The following SPATA31E1 variants were observed in gnomAD, a reference collection of about 807,000 sequenced individuals.
SPATA31E1 encodes the protein SPATA31 subfamily E member 1, also known as spermatogenesis-associated protein 31E1.
A neutral mutation model predicts 12.9 loss-of-function variants in SPATA31E1; 7 were observed. The ratio of observed to expected loss-of-function variants is 0.54; its 90% CI spans 0.31 to 1.02. The LOEUF (loss-of-function observed/expected upper bound fraction) is 1.02, where lower values mean the gene tolerates loss of function less well. Ranked by LOEUF, SPATA31E1 falls within the 50% of genes least tolerant of loss-of-function variation. The pLI is 0.05. For missense variants in SPATA31E1, 1,961 were observed against 1,799.8 expected, an observed-to-expected ratio of 1.09 and a Z score of -1.62; for synonymous variants, 771 against 719.0, an observed-to-expected ratio of 1.07 and a Z score of -1.16.
At position 87,887,938 on chromosome 9, in the gene SPATA31E1, T is replaced by C; in HGVS notation, c.3451T>C (p.Ser1151Pro). 1 of 1,613,890 alleles carries C rather than the reference T, an allele frequency of 6.2e-7. No individual in the cohort carries two copies. Among genetic ancestry groups the C allele is most frequent in the Non-Finnish European group, 8.5e-7 (1 of 1,180,024 alleles). ...CAGGCTGCCCACTCAAGCCCCTCTG[T>C]CCACCTCCCAGAGTGTGTCTGGTAA... ...ADRLPTQAPL[S>P]TSQSVSGKNM... The change falls in exon 4 of 4, where the codon TCC becomes CCC. Residue 1151 changes from serine (S) to proline (P), a missense_variant. Ser to Pro is a moderately conservative substitution (Grantham distance 74). Coordinates refer to ENST00000325643, the MANE Select transcript of SPATA31E1 (RefSeq NM_178828.5).
rs747363146 is a variant in SPATA31E1 at position 87,885,083 on chromosome 9, C to T, written c.596C>T (p.Ala199Val). ...LSPPAPPAPL[A>V]STLSPGPMTF... ...CCACCAGCTCCCCCAGCTCCTCTGG[C>T]CTCCACCCTGTCACCAGGCCCGATG... Residue 199 changes from alanine (A) to valine (V), a missense_variant, in exon 4 of 4, where the codon GCC (alanine) becomes GTC (valine). Physicochemically the swap from Ala to Val is moderately conservative, Grantham distance 64 (BLOSUM62 0). Coordinates refer to ENST00000325643, the MANE Select transcript of SPATA31E1 (RefSeq NM_178828.5). The T allele has an allele frequency of 1.9e-6, 3 of 1,614,208 alleles. No homozygotes were observed. The highest frequency in any genetic ancestry group is 1.7e-5 in the Admixed American group (1 of 60,034).
At position 87,885,866 on chromosome 9, in the gene SPATA31E1, AC is replaced by A; in HGVS notation, c.1382del (p.Pro461LeufsTer111). The A allele has an allele frequency of 6.2e-7, 1 of 1,613,870 alleles. No individual in the cohort carries two copies. Among genetic ancestry groups the A allele is most frequent in the Non-Finnish European group, 8.5e-7 (1 of 1,180,002 alleles). On this transcript the variant is annotated frameshift_variant, in exon 4 of 4. Transcript: ENST00000325643. LOFTEE classifies it low-confidence loss of function (END_TRUNC). ...SLATTVWVSR[N>X]PSSQNAHSVP... Reference sequence around the variant, plus strand: ...GCGACCACAGTCTGGGTTTCTAGGAACCCTTCCTCACAGAATGCACACTCTG... The same window carrying A: ...GCGACCACAGTCTGGGTTTCTAGGAACCTTCCTCACAGAATGCACACTCTG...
chr9:87,886,840 G>A lies in SPATA31E1; in HGVS notation c.2353G>A (p.Val785Met), dbSNP rs142555285. 39 of 1,614,168 alleles carry A rather than the reference G, an allele frequency of 2.4e-5. No homozygotes were observed. The African/African-American group carries it at 4.1e-4, about 17-fold the overall frequency. ...CAAAGAGGGCTGGATCCCCATGCCTGTGCGTCGCTCCTGGCTCATGGCCAA... is the reference window on the plus strand; with the variant it reads ...CAAAGAGGGCTGGATCCCCATGCCTATGCGTCGCTCCTGGCTCATGGCCAA... ...EIKEGWIPMP[V>M]RRSWLMAKCA... Residue 785 changes from valine (V) to methionine (M), a missense_variant, in exon 4 of 4, where the codon GTG becomes ATG. Coordinates refer to ENST00000325643, the MANE Select transcript of SPATA31E1 (RefSeq NM_178828.5).
At position 87,886,414 on chromosome 9, in the gene SPATA31E1, C is replaced by T. The variant is rs780019692; in HGVS notation, c.1927C>T (p.Pro643Ser). Residue 643 changes from proline (P) to serine (S), a missense_variant, in exon 4 of 4, where the codon CCT becomes TCT. Pro to Ser is a moderately conservative substitution (Grantham distance 74). Coordinates refer to ENST00000325643, the MANE Select transcript of SPATA31E1 (RefSeq NM_178828.5). The part of the protein sequence containing the change: ...NAIHQEQSCG[P>S]PSRLQASGDL... ...CATCCACCAGGAGCAGTCCTGTGGC[C>T]CTCCCAGCAGATTGCAGGCATCTGG... is the stretch of plus-strand genomic sequence containing the variant. The T allele has an allele frequency of 3.1e-6, 5 of 1,613,912 alleles. No individual in the cohort carries two copies. The highest frequency in any genetic ancestry group is 3.4e-6 in the Non-Finnish European group (4 of 1,179,988).
In SPATA31E1 at chr9:87,885,400, G is replaced by A. The variant is rs770947203; in HGVS notation, c.913G>A (p.Asp305Asn). 11 of 1,613,938 alleles carry A rather than the reference G, an allele frequency of 6.8e-6. No homozygotes were observed. The Admixed American group carries it at 1.2e-4, about 17-fold the overall frequency. ...GGGGTGCTCCAGCGATCCCATCTGG[G>A]ACCTCTATTGCTGGAGGGAGGCTGC... is the stretch of plus-strand genomic sequence containing the variant. Reference protein sequence around the residue: ...GLGCSSDPIWDLYCWREAATT... With the variant: ...GLGCSSDPIWNLYCWREAATT... The change falls in exon 4 of 4, where the codon GAC becomes AAC. Residue 305 changes from aspartate (D) to asparagine (N), a missense_variant. By Grantham distance (23) the Asp-to-Asn change is conservative. Transcript: ENST00000325643.
rs374273499 is a variant in SPATA31E1 at position 87,887,478 on chromosome 9, C to A, written c.2991C>A (p.Asn997Lys). 2 of 1,613,872 alleles carry A rather than the reference C, an allele frequency of 1.2e-6. No homozygotes were observed. The part of the protein sequence containing the change: ...EGSMGSEMAG[N>K]EAWLESESMS... ...GTATGGGTTCAGAAATGGCTGGGAACGAGGCATGGCTTGAGAGTGAGAGCA... is the reference window on the plus strand; with the variant it reads ...GTATGGGTTCAGAAATGGCTGGGAAAGAGGCATGGCTTGAGAGTGAGAGCA... The change falls in exon 4 of 4, where the codon AAC becomes AAA. Residue 997 changes from asparagine (N) to lysine (K), a missense_variant. Physicochemically the swap from Asn to Lys is moderately conservative, Grantham distance 94. Coordinates refer to ENST00000325643, the MANE Select transcript of SPATA31E1 (RefSeq NM_178828.5).
chr9:87,884,067 G>T, intron 2 of SPATA31E1, 21 bp downstream of exon 2: 1 of 1,584,552 alleles, frequency 6.3e-7, no homozygotes, highest in South Asian at 1.2e-5. Context: ...GCTGCCCCCC[G>T]GGACTCCCCA....
At position 87,888,867 on chromosome 9, in the gene SPATA31E1, G is replaced by A. The variant is rs752033272; in HGVS notation, c.*42G>A. 6 of 1,511,010 alleles carry A rather than the reference G, an allele frequency of 4.0e-6. No homozygotes were observed. The highest frequency in any genetic ancestry group is 5.3e-6 in the Non-Finnish European group (6 of 1,131,898). The allele number at this position is 1,511,010 out of a possible 1,614,324, so 93.6% of individuals were successfully genotyped here. On this transcript the variant is annotated 3_prime_UTR_variant, in exon 4 of 4. Coordinates refer to ENST00000325643, the MANE Select transcript of SPATA31E1 (RefSeq NM_178828.5). ...TGCATGTCTCCTGGGGGAGACAGGG[G>A]GTTCTACTCAAATAAAACTGATGCC...
At position 87,886,225 on chromosome 9, in the gene SPATA31E1, G is replaced by C. The variant is rs775005835; in HGVS notation, c.1738G>C (p.Val580Leu). Residue 580 changes from valine to leucine, a missense_variant, in exon 4 of 4, where the codon GTT becomes CTT. Physicochemically the swap from Val to Leu is conservative, Grantham distance 32 (BLOSUM62 1). Transcript: ENST00000325643. The stretch of plus-strand genomic sequence containing the variant: ...GAAGAAGCGACCAAAGTGGAAGAGG[G>C]TTTTGCCCTCTCTCCTCAAAAAGTC... Reference protein sequence around the residue: ...PLKKRPKWKRVLPSLLKKSQA... With the variant: ...PLKKRPKWKRLLPSLLKKSQA... The C allele has an allele frequency of 9.3e-6, 15 of 1,613,772 alleles. No homozygotes were observed. In the South Asian group the frequency reaches 1.4e-4, roughly 15 times the overall value.
chr9:87,885,286 C>G lies in SPATA31E1; in HGVS notation c.799C>G (p.Gln267Glu). Residue 267 changes from glutamine (Q) to glutamate (E), a missense_variant, in exon 4 of 4, where the codon CAG (glutamine) becomes GAG (glutamate). Gln to Glu is a conservative substitution (Grantham distance 29, BLOSUM62 2). Coordinates refer to ENST00000325643, the MANE Select transcript of SPATA31E1 (RefSeq NM_178828.5). ...PPPDSSLAGL[Q>E]CGSTTCPVPQ... is the part of the protein sequence containing the mutation. ...ACCCGACTCCAGCCTGGCTGGACTT[C>G]AGTGTGGCTCCACAACATGCCCCGT... 9.9e-6 allele frequency: 16 copies of G among 1,614,124 alleles called. No individual in the cohort carries two copies. The highest frequency in any genetic ancestry group is 1.4e-5 in the Non-Finnish European group (16 of 1,179,992).
At position 87,888,863 on chromosome 9, in the gene SPATA31E1, A is replaced by C; in HGVS notation, c.*38A>C. On this transcript the variant is annotated 3_prime_UTR_variant, in exon 4 of 4. Coordinates refer to ENST00000325643, the MANE Select transcript of SPATA31E1 (RefSeq NM_178828.5). ...TTCTTGCATGTCTCCTGGGGGAGAC[A>C]GGGGGTTCTACTCAAATAAAACTGA... 1 of 1,530,512 alleles carries C rather than the reference A, an allele frequency of 6.5e-7. No homozygotes were observed. The highest frequency in any genetic ancestry group is 8.7e-7 in the Non-Finnish European group (1 of 1,143,838). 94.8% of individuals were successfully genotyped at this position (1,530,512 alleles called of 1,614,324 possible).
Position 87,886,299 on chromosome 9 carries a change from G to A in SPATA31E1, c.1812G>A (p.Pro604=), listed in dbSNP as rs745818260. ...QPTAHLPQER[P]ASWSPKSAPI... ...CTGCCCACCTTCCCCAAGAGAGGCC[G>A]GCCTCCTGGAGCCCCAAGTCAGCCC... The change falls in exon 4 of 4, where the codon CCG becomes CCA. Residue 604 remains proline (P), a synonymous_variant. Transcript: ENST00000325643. The A allele has an allele frequency of 6.8e-6, 11 of 1,613,470 alleles. No homozygotes were observed. The East Asian group carries it at 8.9e-5, about 13-fold the overall frequency.
chr9:87,885,883 GCA>G lies in SPATA31E1; in HGVS notation c.1400_1401del (p.His467LeufsTer6). On this transcript the variant is annotated frameshift_variant, in exon 4 of 4. Transcript: ENST00000325643. LOFTEE classifies it low-confidence loss of function (END_TRUNC). ...WVSRNPSSQN[A>X]HSVPLDKAST... Reference sequence around the variant, plus strand: ...TTCTAGGAACCCTTCCTCACAGAATGCACACTCTGTACCACTGGATAAAGCCT... The same window carrying G: ...TTCTAGGAACCCTTCCTCACAGAATGCACTCTGTACCACTGGATAAAGCCT... 1 of 1,613,932 alleles carries G rather than the reference GCA, an allele frequency of 6.2e-7. No homozygotes were observed. The highest frequency in any genetic ancestry group is 8.5e-7 in the Non-Finnish European group (1 of 1,180,036).
chr9:87,887,863 A>C lies in SPATA31E1; in HGVS notation c.3376A>C (p.Thr1126Pro). The C allele has an allele frequency of 6.2e-7, 1 of 1,613,824 alleles. No homozygotes were observed. Among genetic ancestry groups the C allele is most frequent in the South Asian group, 1.1e-5 (1 of 91,086 alleles). Residue 1126 changes from threonine (T) to proline (P), a missense_variant, in exon 4 of 4, where the codon ACA becomes CCA. Physicochemically the swap from Thr to Pro is conservative, Grantham distance 38. Transcript: ENST00000325643. ...APGILLQDGA[T>P]GLCLPGRHMD... ...GGGCATCCTCCTCCAGGACGGCGCC[A>C]CAGGCCTGTGCCTTCCAGGCCGCCA...
In SPATA31E1 at chr9:87,888,863, AG is replaced by A; in HGVS notation, c.*43del. On this transcript the variant is annotated 3_prime_UTR_variant, in exon 4 of 4. Coordinates refer to ENST00000325643, the MANE Select transcript of SPATA31E1 (RefSeq NM_178828.5). ...TTCTTGCATGTCTCCTGGGGGAGAC[AG>A]GGGGTTCTACTCAAATAAAACTGAT... The A allele has an allele frequency of 6.5e-7, 1 of 1,530,510 alleles. No homozygotes were observed. The highest frequency in any genetic ancestry group is 8.7e-7 in the Non-Finnish European group (1 of 1,143,836). The allele number at this position is 1,530,510 out of a possible 1,614,324, so 94.8% of individuals were successfully genotyped here.
chr9:87,885,397 T>C lies in SPATA31E1; in HGVS notation c.910T>C (p.Trp304Arg). The change falls in exon 4 of 4, where the codon TGG (tryptophan) becomes CGG (arginine). Residue 304 changes from tryptophan (W) to arginine (R), a missense_variant. Coordinates refer to ENST00000325643, the MANE Select transcript of SPATA31E1 (RefSeq NM_178828.5). ...CCTGGGGTGCTCCAGCGATCCCATC[T>C]GGGACCTCTATTGCTGGAGGGAGGC... Reference protein sequence around the residue: ...SGLGCSSDPIWDLYCWREAAT... With the variant: ...SGLGCSSDPIRDLYCWREAAT... The C allele has an allele frequency of 3.7e-6, 6 of 1,613,994 alleles. No homozygotes were observed. The highest frequency in any genetic ancestry group is 5.1e-6 in the Non-Finnish European group (6 of 1,179,944).
At position 87,885,216 on chromosome 9, in the gene SPATA31E1, T is replaced by C. The variant is rs528608694; in HGVS notation, c.729T>C (p.Pro243=). 7 of 1,614,082 alleles carry C rather than the reference T, an allele frequency of 4.3e-6. No homozygotes were observed. In the South Asian group the frequency reaches 6.6e-5, roughly 15 times the overall value. Reference sequence around the variant, plus strand: ...CAACCCAGCCACATGTGGTTTTTCCTCCTTCACCACAGCCGCATGGTCCCC... The same window carrying C: ...CAACCCAGCCACATGTGGTTTTTCCCCCTTCACCACAGCCGCATGGTCCCC... ...CPATQPHVVF[P]PSPQPHGPLA... Residue 243 remains proline, a synonymous_variant, in exon 4 of 4, where the codon CCT becomes CCC. Transcript: ENST00000325643.
intron 1 of SPATA31E1, 150 bp downstream of exon 1, chr9:87,883,350 TG>T: frequency 7.8e-7 from 1 of 1,274,918 alleles, no homozygotes; most frequent in Non-Finnish European, 1.1e-6. Context: ...GGGGTGAGAG[TG>T]GGCAGAGGAT....
rs755301981 is a variant in SPATA31E1, at chr9:87,888,869, T to G, written c.*44T>G. ...CATGTCTCCTGGGGGAGACAGGGGG[T>G]TCTACTCAAATAAAACTGATGCCTA... On this transcript the variant is annotated 3_prime_UTR_variant, in exon 4 of 4. Transcript: ENST00000325643. 6.6e-7 allele frequency: 1 copy of G among 1,512,496 alleles called. No individual in the cohort carries two copies. The highest frequency in any genetic ancestry group is 8.8e-7 in the Non-Finnish European group (1 of 1,134,822). The allele number at this position is 1,512,496 out of a possible 1,614,324, so 93.7% of individuals were successfully genotyped here. A position where few individuals can be genotyped will look rare whatever the true frequency, so the allele number is the denominator to read the frequency against.
Sources: gnomAD v4.1 joint callset for allele counts on GRCh38, gnomAD v4.1.1 for gene constraint, MANE v1.5 for transcripts, NCBI Gene and HGNC (gene_info 2026-07-23, HGNC 2026-07-21) for gene names.